The following UGGT2 variants were observed in gnomAD, a reference collection of about 807,000 sequenced individuals.
The protein encoded by UGGT2 is UDP-glucose glycoprotein glucosyltransferase 2, also known as UDP-glucose:glycoprotein glucosyltransferase 2.
A neutral mutation model predicts 192.1 loss-of-function variants in UGGT2; 180 were observed. The ratio of observed to expected loss-of-function variants is 0.94; its 90% CI spans 0.83 to 1.06. UGGT2 has a LOEUF of 1.06. UGGT2 is among the 50% of genes least tolerant of loss of function. The pLI is 0.00. For synonymous variants in UGGT2, 580 were observed against 591.0 expected (o/e 0.98, Z 0.27); for missense variants, 1,849 against 1,795.7 (o/e 1.03, Z -0.54).
rs552629625 is a variant in UGGT2, at chr13:95,882,965, A to G, written c.3228+1526T>C. On this transcript the variant is annotated intron_variant, in intron 27 of 38. Transcript: ENST00000376747. ...CTGACTGATCATGGAAAAAACAGCG[A>G]TTTTTTTTTTCACTTCTTATAAGAT... Among the ~76,000 whole-genome samples the G allele has an allele frequency of 2.7e-5, 4 of 150,030 alleles. No individual in the cohort carries two copies. The East Asian group carries it at 7.8e-4, about 29-fold the overall frequency.
chr13:95,917,200 C>G (rs2048707127), intron 20 of UGGT2, among the ~76,000 whole-genome samples: 3 of 152,184 alleles, frequency 2.0e-5, no homozygotes, highest in Admixed American at 2.0e-4. Context: ...CAGCAGACCT[C>G]TCAGCTGAAA....
chr13:95,845,913 C>T (rs1373847874), intron 36 of UGGT2, among the ~76,000 whole-genome samples: 2 of 151,050 alleles, frequency 1.3e-5, no homozygotes, highest in Non-Finnish European at 2.9e-5. Context: ...GGATGAGGGC[C>T]GGGGAGAGGG....
chr13:95,886,925 C>A (rs772020157), intron 26 of UGGT2, among the ~76,000 whole-genome samples: 13 of 151,930 alleles, frequency 8.6e-5, no homozygotes, highest in Non-Finnish European at 1.6e-4. Context: ...CGTGGTGGCA[C>A]GTACCTGTAG....
At chr13:95,813,639 C>A (rs1884680747) in intron 38 of UGGT2, among the ~76,000 whole-genome samples, 1 of 152,182 alleles carries the variant, frequency 6.6e-6, no homozygotes, top group African/African-American at 2.4e-5. Context: ...AGAATCCAAG[C>A]AAGCTGTGGA....
chr13:95,947,763 T>G (rs2049925697), intron 14 of UGGT2, among the ~76,000 whole-genome samples: 2 of 152,256 alleles, frequency 1.3e-5, no homozygotes, highest in South Asian at 4.2e-4. Context: ...TCTATAAGTT[T>G]CCAGAGTGAT....
intron 17 of UGGT2, among the ~76,000 whole-genome samples, chr13:95,931,588 T>A (rs2049272965): frequency 6.6e-6 from 1 of 151,756 alleles, no homozygotes; most frequent in South Asian, 2.1e-4. Context: ...CATGGCGGGC[T>A]GCGGGTCCCA....
intron 8 of UGGT2, among the ~76,000 whole-genome samples, chr13:95,988,166 G>A (rs1021262089): frequency 7.9e-5 from 12 of 151,928 alleles, no homozygotes; most frequent in African/African-American, 2.7e-4. Flanking sequence ...TACTGGAATC[G>A]AATAATCCAT....
intron 35 of UGGT2, among the ~76,000 whole-genome samples, 172 bp from the exon 36 acceptor site, chr13:95,853,829 T>A (rs752621781): frequency 2.0e-5 from 3 of 152,168 alleles, no homozygotes; most frequent in African/African-American, 4.8e-5. Context: ...TCCCAAGAGT[T>A]TTAAGTTTGT....
At chr13:96,034,684 T>C (rs1388992404) in intron 1 of UGGT2, among the ~76,000 whole-genome samples, 1 of 152,224 alleles carries the variant, frequency 6.6e-6, no homozygotes, top group Non-Finnish European at 1.5e-5. Flanking sequence ...TGCCACTGCA[T>C]TCCACCACAG....
chr13:95,899,797 C>A (rs2048050717), intron 22 of UGGT2, among the ~76,000 whole-genome samples: 1 of 152,066 alleles, frequency 6.6e-6, no homozygotes, highest in South Asian at 2.1e-4. Flanking sequence ...TATCTCACTA[C>A]CAAAATTCAC....
intron 38 of UGGT2, among the ~76,000 whole-genome samples, chr13:95,812,902 C>A (rs1405713973): frequency 6.6e-6 from 1 of 152,154 alleles, no homozygotes; most frequent in African/African-American, 2.4e-5. Flanking sequence ...GATGGATGCA[C>A]AACTCCGTGA....
intron 5 of UGGT2, among the ~76,000 whole-genome samples, chr13:96,000,441 C>T (rs1289397543): frequency 6.6e-6 from 1 of 152,152 alleles, no homozygotes; most frequent in African/African-American, 2.4e-5. Flanking sequence ...TTGCTGCCCA[C>T]ACTAAAATTT....
chr13:96,040,845 A>G (rs1405712195), intron 1 of UGGT2, among the ~76,000 whole-genome samples: 1 of 152,208 alleles, frequency 6.6e-6, no homozygotes, highest in East Asian at 1.9e-4. Flanking sequence ...AGGCAAATGT[A>G]AAGCCAGATA....
chr13:96,029,986 C>T (rs1024059977), intron 2 of UGGT2, among the ~76,000 whole-genome samples: 1 of 152,124 alleles, frequency 6.6e-6, no homozygotes, highest in East Asian at 1.9e-4. Context: ...ACATATTAAT[C>T]TAGCCTACTT....
intron 15 of UGGT2, among the ~76,000 whole-genome samples, 197 bp downstream of exon 15, chr13:95,946,837 TATA>T (rs2049886780): frequency 2.0e-5 from 3 of 152,238 alleles, no homozygotes; most frequent in South Asian, 4.1e-4. Context: ...TTGCCTAATT[TATA>T]ATGTGAGGAT....
intron 12 of UGGT2, among the ~76,000 whole-genome samples, chr13:95,957,300 G>C (rs1269244937): frequency 1.3e-5 from 2 of 152,180 alleles, no homozygotes; most frequent in East Asian, 3.8e-4. Context: ...ATGGTTAAAA[G>C]AGCAAATTTT....
intron 38 of UGGT2, among the ~76,000 whole-genome samples, chr13:95,826,174 T>C (rs1449258303): frequency 1.3e-5 from 2 of 152,102 alleles, no homozygotes; most frequent in Non-Finnish European, 2.9e-5. Context: ...ATTCAACCCA[T>C]CTTTGATAAA....
chr13:95,979,640 TTATTA>T (rs2051052580), intron 10 of UGGT2, among the ~76,000 whole-genome samples: 1 of 151,870 alleles, frequency 6.6e-6, no homozygotes, highest in Non-Finnish European at 1.5e-5. Flanking sequence ...TGTATTCTTC[TTATTA>T]TGAGTAAGGA....
chr13:95,974,842 G>A (rs985624983), intron 10 of UGGT2, among the ~76,000 whole-genome samples: 1 of 152,276 alleles, frequency 6.6e-6, no homozygotes, highest in African/African-American at 2.4e-5. Flanking sequence ...AGCACTTTGG[G>A]AGGCTGAGGC....
Sources: allele counts gnomAD v4.1 joint callset (sites outside exome capture counted in the v4.1 genomes callset), GRCh38; gene constraint gnomAD v4.1.1; transcripts MANE v1.5; gene names NCBI Gene and HGNC (gene_info 2026-07-23, HGNC 2026-07-21).